Variants in SRGAP1 observed in about 807,000 individuals in gnomAD.
SRGAP1 encodes SLIT-ROBO Rho GTPase-activating protein 1.
A neutral mutation model predicts 121.9 loss-of-function variants in SRGAP1; 43 were observed. The observed-to-expected ratio is 0.35, with a 90% CI of 0.28 to 0.46. The LOEUF is 0.46. Among genes scored for constraint, SRGAP1 ranks in the 20% least tolerant of loss-of-function variants. The probability of loss-of-function intolerance (pLI) is 1.00; values close to 1 mark genes in which losing one functional copy is unlikely to be tolerated. For synonymous variants in SRGAP1, 447 were observed against 485.4 expected (o/e 0.92, Z 1.04); for missense variants, 1,102 against 1,350.9 (o/e 0.82, Z 2.89).
chr12:63,989,858 G>C lies in SRGAP1; in HGVS notation c.264-52G>C, dbSNP rs951217036. Reference sequence around the variant, plus strand: ...TTTGCCTTGGTGACTTCACTCATCTGATTGGGGCAACTTTGAAATGGGTGG... The same window carrying C: ...TTTGCCTTGGTGACTTCACTCATCTCATTGGGGCAACTTTGAAATGGGTGG... On this transcript the variant is annotated intron_variant, in intron 2 of 21. Transcript: ENST00000355086. 7.3e-6 allele frequency: 11 copies of C among 1,504,022 alleles called. No homozygotes were observed. The African/African-American group carries it at 1.5e-4, about 21-fold the overall frequency. 93.2% of individuals were successfully genotyped at this position (1,504,022 alleles called of 1,614,324 possible).
intron 1 of SRGAP1, among the ~76,000 whole-genome samples, chr12:63,933,374 A>AG (rs2031549690): frequency 1.3e-5 from 2 of 152,088 alleles, no homozygotes; most frequent in Non-Finnish European, 2.9e-5. Context: ...ACAGATGCAT[A>AG]CCTAGGTTAT....
rs113014325 is a variant in SRGAP1, at chr12:63,899,603, C to A, written c.67+54720C>A. Among the ~76,000 whole-genome samples, 4 of 152,258 alleles carry A rather than the reference C, an allele frequency of 2.6e-5. 1 individual carries two copies. Among genetic ancestry groups the A allele is most frequent in the African/African-American group, 9.6e-5 (4 of 41,544 alleles). On this transcript the variant is annotated intron_variant, in intron 1 of 21. Coordinates refer to ENST00000355086, the MANE Select transcript of SRGAP1 (RefSeq NM_020762.4). ...CCACCCAGATTGGTTAACACCTCCG[C>A]GTTTGCCTTATTTGAACATGGTTTG...
chr12:64,154,603 G>C lies in SRGAP1; in HGVS notation c.*11931G>C, dbSNP rs1321149276. The C allele has an allele frequency of 6.6e-6, 1 of 152,158 alleles. No homozygotes were observed. Among genetic ancestry groups the C allele is most frequent in the Non-Finnish European group, 1.5e-5 (1 of 68,038 alleles). 9.4% of individuals were successfully genotyped at this position (152,158 alleles called of 1,614,324 possible). On this transcript the variant is annotated 3_prime_UTR_variant, in exon 22 of 22. Transcript: ENST00000355086. The stretch of plus-strand genomic sequence containing the variant: ...GAATATATTGATATATACTTAAAAA[G>C]AATGACTGGGGAAAGGAAGAAGTTG...
intron 18 of SRGAP1, among the ~76,000 whole-genome samples, chr12:64,122,731 C>G (rs1404409441): frequency 2.0e-5 from 3 of 152,092 alleles, no homozygotes; most frequent in African/African-American, 4.8e-5. Flanking sequence ...AACCCCATTG[C>G]TACTAAAAAT....
chr12:64,152,137 C>T lies in SRGAP1; in HGVS notation c.*9465C>T, dbSNP rs984538506. On this transcript the variant is annotated 3_prime_UTR_variant, in exon 22 of 22. Coordinates refer to ENST00000355086, the MANE Select transcript of SRGAP1 (RefSeq NM_020762.4). ...TGTACTGACATCGTTTTCCTCAACA[C>T]GTTGCATGTCAATAGCCAACATGTA... 2.0e-5 allele frequency: 3 copies of T among 152,182 alleles called. No individual in the cohort carries two copies. Among genetic ancestry groups the T allele is most frequent in the Admixed American group, 6.5e-5 (1 of 15,274 alleles). 9.4% of individuals were successfully genotyped at this position (152,182 alleles called of 1,614,324 possible).
chr12:63,904,518 TG>T (rs1388931173), intron 1 of SRGAP1, among the ~76,000 whole-genome samples: 13 of 152,226 alleles, frequency 8.5e-5, no homozygotes, highest in African/African-American at 2.4e-4. Context: ...CAGCTGTATG[TG>T]GCACTGTCCT....
intron 21 of SRGAP1, among the ~76,000 whole-genome samples, chr12:64,138,583 T>C (rs540884210): frequency 4.3e-4 from 65 of 151,654 alleles, no homozygotes; most frequent in African/African-American, 1.5e-3. Context: ...GCCTCAGCCT[T>C]GAGAGTAGCT....
intron 3 of SRGAP1, among the ~76,000 whole-genome samples, chr12:63,996,029 T>TA (rs34026551): frequency 1.8e-3 from 275 of 151,066 alleles, no homozygotes; most frequent in African/African-American, 5.4e-3. Context: ...TTTTTTTTTT[T>TA]AAAAAAAGTA....
chr12:64,095,164 C>T lies in SRGAP1; in HGVS notation c.1638C>T (p.Ser546=), dbSNP rs771035032. 1.1e-5 allele frequency: 18 copies of T among 1,613,948 alleles called. No individual in the cohort carries two copies. In the South Asian group the frequency reaches 1.8e-4, roughly 16 times the overall value. ...AGGGGATTTTCAGAGTGTCTGGTTCCCAGGTGGAAGTCAATGATATTAAAA... is the reference window on the plus strand; with the variant it reads ...AGGGGATTTTCAGAGTGTCTGGTTCTCAGGTGGAAGTCAATGATATTAAAA... ...QHQGIFRVSG[S]QVEVNDIKNS... The change falls in exon 14 of 22, where the codon TCC becomes TCT. Residue 546 remains serine (S), a synonymous_variant. Transcript: ENST00000355086.
chr12:63,942,488 G>A (rs2031903465), intron 1 of SRGAP1, among the ~76,000 whole-genome samples: 1 of 152,104 alleles, frequency 6.6e-6, no homozygotes, highest in African/African-American at 2.4e-5. Context: ...CTTGTTCATT[G>A]CTTCAGATTT....
intron 3 of SRGAP1, among the ~76,000 whole-genome samples, chr12:64,016,665 A>C (rs1291062817): frequency 6.6e-6 from 1 of 152,168 alleles, no homozygotes; most frequent in Non-Finnish European, 1.5e-5. Context: ...ACTTTTAAGC[A>C]AGCATGACGC....
At chr12:64,083,669 G>A (rs1404856773) in intron 10 of SRGAP1, among the ~76,000 whole-genome samples, 1 of 152,162 alleles carries the variant, frequency 6.6e-6, no homozygotes, top group Non-Finnish European at 1.5e-5. Context: ...ATTGACCACA[G>A]TAAATGAGAT....
intron 17 of SRGAP1, among the ~76,000 whole-genome samples, chr12:64,115,552 G>A (rs1179573511): frequency 6.6e-6 from 1 of 152,114 alleles, no homozygotes; most frequent in East Asian, 1.9e-4. Context: ...TTAAGCCCAG[G>A]AGTTTGAGAC....
intron 15 of SRGAP1, among the ~76,000 whole-genome samples, chr12:64,100,905 A>G (rs2036243226): frequency 6.6e-6 from 1 of 152,102 alleles, no homozygotes; most frequent in Non-Finnish European, 1.5e-5. Context: ...GTATCCCCTT[A>G]TCAATATTGC....
rs1011610020 is a variant in SRGAP1 at position 64,124,056 on chromosome 12, G to GA, written c.2225-1911dup. Among the ~76,000 whole-genome samples, 49 of 149,460 alleles carry GA rather than the reference G, an allele frequency of 3.3e-4. 1 individual carries two copies. The highest frequency in any genetic ancestry group is 2.1e-3 in the South Asian group (10 of 4,726). Reference sequence around the variant, plus strand: ...AGCAAGACCCTGTCACTGTTTAAAAGAAAAAAAAAATTATCCAAAGCAAAA... The same window carrying GA: ...AGCAAGACCCTGTCACTGTTTAAAAGAAAAAAAAAAATTATCCAAAGCAAAA... On this transcript the variant is annotated intron_variant, in intron 18 of 21. Transcript: ENST00000355086.
chr12:63,876,671 A>C (rs1900039186), intron 1 of SRGAP1, among the ~76,000 whole-genome samples: 1 of 152,222 alleles, frequency 6.6e-6, no homozygotes, highest in Non-Finnish European at 1.5e-5. Flanking sequence ...GACAAACAGA[A>C]TGATGTACGC....
At chr12:63,962,609 C>T (rs1307796813) in intron 1 of SRGAP1, among the ~76,000 whole-genome samples, 1 of 152,122 alleles carries the variant, frequency 6.6e-6, no homozygotes, top group Non-Finnish European at 1.5e-5. Context: ...GGTTTTTCCA[C>T]ATTGGCCAGG....
rs540495714 is a variant in SRGAP1, at chr12:63,919,747, C to T, written c.68-64200C>T. Among the ~76,000 whole-genome samples, 16 of 152,100 alleles carry T rather than the reference C, an allele frequency of 1.1e-4. No individual in the cohort carries two copies. The East Asian group carries it at 3.1e-3, about 29-fold the overall frequency. On this transcript the variant is annotated intron_variant, in intron 1 of 21. Coordinates refer to ENST00000355086, the MANE Select transcript of SRGAP1 (RefSeq NM_020762.4). ...ATGTTATTTATCCCTTAAAAATATG[C>T]TCATAAGTACTATACAGCTAATTTT...
chr12:64,080,534 A>G (rs1213585180), intron 10 of SRGAP1, 164 bp downstream of exon 10: 1 of 717,844 alleles, frequency 1.4e-6, no homozygotes, highest in Admixed American at 2.0e-5. Flanking sequence ...TTCTCCTGGC[A>G]CGATTTTCTT....
Sources: gnomAD v4.1 joint callset for allele counts (sites outside exome capture counted in the v4.1 genomes callset) on GRCh38, gnomAD v4.1.1 for gene constraint, MANE v1.5 for transcripts, NCBI Gene and HGNC (gene_info 2026-07-23, HGNC 2026-07-21) for gene names.